The following PCF11 variants were observed in gnomAD, a reference collection of about 807,000 sequenced individuals.
PCF11 encodes the protein PCF11 cleavage and polyadenylation factor subunit, also known as pre-mRNA cleavage complex 2 protein Pcf11.
In PCF11, 19 loss-of-function variants were observed where a neutral mutation model predicts 166.1. The ratio of observed to expected loss-of-function variants is 0.11; its 90% CI spans 0.08 to 0.17. PCF11 has a LOEUF of 0.17. PCF11 is among the 10% of genes least tolerant of loss of function. PCF11 has a pLI of 1.00. For synonymous variants in PCF11, 663 were observed against 644.1 expected (o/e 1.03, Z -0.44); for missense variants, 1,565 against 1,855.5 (o/e 0.84, Z 2.88).
At chr11:83,174,771 T>C (rs1229855136) in intron 9 of PCF11, among the ~76,000 whole-genome samples, 1 of 152,200 alleles carries the variant, frequency 6.6e-6, no homozygotes, top group African/African-American at 2.4e-5. Context: ...TTCCACAGTT[T>C]ATGCTGTTGG....
intron 2 of PCF11, among the ~76,000 whole-genome samples, chr11:83,161,838 G>A (rs1246991684): frequency 1.3e-5 from 2 of 152,120 alleles, no homozygotes; most frequent in Non-Finnish European, 2.9e-5. Context: ...TCTTGGGGGG[G>A]TAAAAAGCAT....
intron 8 of PCF11, 31 bp downstream of exon 8, chr11:83,170,026 T>C: frequency 6.6e-7 from 1 of 1,509,602 alleles, no homozygotes; most frequent in Non-Finnish European, 8.8e-7. Context: ...TTGCGTTGTA[T>C]GCAGATAAGT....
exon 8 of PCF11, chr11:83,169,386 C>G (rs1422028124): frequency 1.2e-6 from 2 of 1,613,414 alleles, no homozygotes; most frequent in South Asian, 2.2e-5. Flanking sequence ...CAGGAGGTGG[C>G]CTGAGAATTG....
exon 8 of PCF11, chr11:83,169,878 A>T (rs1396526137): frequency 6.2e-7 from 1 of 1,613,180 alleles, no homozygotes; most frequent in Non-Finnish European, 8.5e-7. Flanking sequence ...TCTCTAATCC[A>T]CTTAACAGAG....
At chr11:83,179,119 T>C (rs549738627) in intron 11 of PCF11, among the ~76,000 whole-genome samples, 6 of 151,970 alleles carry the variant, frequency 3.9e-5, no homozygotes, top group African/African-American at 1.2e-4. Context: ...CTTTTTTTTT[T>C]CAAAGTAATA....
chr11:83,169,773 A>C, exon 8 of PCF11: 1 of 1,613,868 alleles, frequency 6.2e-7, no homozygotes, highest in Non-Finnish European at 8.5e-7. Flanking sequence ...TTAATGCCCC[A>C]TCCCAAGGAC....
chr11:83,169,729 A>G, exon 8 of PCF11: 1 of 1,613,922 alleles, frequency 6.2e-7, no homozygotes, highest in Non-Finnish European at 8.5e-7. Flanking sequence ...TTTCAATCAG[A>G]CTGGTCCATA....
rs1173094874 is a variant in PCF11, at chr11:83,166,855, CTAT to C, written c.1817+149_1817+151del. 33 of 751,526 alleles carry C rather than the reference CTAT, an allele frequency of 4.4e-5. 1 individual carries two copies. 46.6% of individuals were successfully genotyped at this position (751,526 alleles called of 1,614,324 possible). The stretch of plus-strand genomic sequence containing the variant: ...TTCTTACATCTCTGTGGGTTAAATA[CTAT>C]TATTATTTCTATTTTACAGATAAGG... On this transcript the variant is annotated intron_variant, in intron 5 of 15. Coordinates refer to ENST00000298281, the Ensembl canonical transcript of PCF11.
Position 83,183,552 on chromosome 11 carries a change from G to A in PCF11, c.4452+479G>A, listed in dbSNP as rs142816127. ...GTTGCCCAGGCTGGAGTGCAATGGC[G>A]CAATCTCGGCTCACTGCAACCTCCA... On this transcript the variant is annotated intron_variant, in intron 15 of 15. Coordinates refer to ENST00000298281, the Ensembl canonical transcript of PCF11. 1.1e-3 allele frequency among the ~76,000 whole-genome samples: 162 copies of A among 152,092 alleles called. 1 individual carries two copies. The highest frequency in any genetic ancestry group is 3.6e-3 in the African/African-American group (149 of 41,482).
chr11:83,162,935 T>A (rs549678964), intron 2 of PCF11, among the ~76,000 whole-genome samples: 1 of 152,134 alleles, frequency 6.6e-6, no homozygotes, highest in Non-Finnish European at 1.5e-5. Context: ...CCATCATGCC[T>A]GGCTAATTTT....
intron 7 of PCF11, among the ~76,000 whole-genome samples, 170 bp from the exon 8 acceptor site, chr11:83,168,258 C>T (rs1161797843): frequency 6.6e-6 from 1 of 152,058 alleles, no homozygotes; most frequent in Non-Finnish European, 1.5e-5. Context: ...TTTTTTGTTA[C>T]TCAGGTGTGT....
At chr11:83,186,263 AC>A (rs1861288106) in exon 16 of PCF11, 1 of 152,258 alleles carries the variant, frequency 6.6e-6, no homozygotes, top group Non-Finnish European at 1.5e-5. Flanking sequence ...TTGGAGGATA[AC>A]CAGGAGTGGA....
chr11:83,166,156 A>C (rs771423634), exon 5 of PCF11: 1 of 1,607,752 alleles, frequency 6.2e-7, no homozygotes, highest in Non-Finnish European at 8.5e-7. Flanking sequence ...GATGATGTGA[A>C]AGAGAAGAGA....
chr11:83,174,251 C>T (rs561677859), intron 9 of PCF11, among the ~76,000 whole-genome samples: 1 of 152,280 alleles, frequency 6.6e-6, no homozygotes, highest in Admixed American at 6.5e-5. Context: ...AAAGTGTAAA[C>T]ATCCCTTTTC....
chr11:83,184,269 A>C (rs1358605043), intron 15 of PCF11: 1 of 157,710 alleles, frequency 6.3e-6, no homozygotes, highest in Non-Finnish European at 1.4e-5. Flanking sequence ...TGGAAGGTTT[A>C]TTTAGGTTGT....
chr11:83,168,302 T>A, intron 7 of PCF11, 126 bp from the exon 8 acceptor site: 1 of 896,882 alleles, frequency 1.1e-6, no homozygotes, highest in Non-Finnish European at 1.6e-6. Context: ...ATCTGCTGCT[T>A]TACGCTGTCG....
exon 8 of PCF11, chr11:83,168,584 C>T (rs367841596): frequency 7.4e-6 from 12 of 1,613,808 alleles, no homozygotes; most frequent in African/African-American, 6.7e-5. Flanking sequence ...GAAGACAGAC[C>T]GTTATTTGAT....
At chr11:83,169,571 C>G in exon 8 of PCF11, 2 of 1,613,924 alleles carry the variant, frequency 1.2e-6, no homozygotes, top group Non-Finnish European at 1.7e-6. Context: ...GATGGACCAC[C>G]TGGACAGCAG....
intron 1 of PCF11, among the ~76,000 whole-genome samples, chr11:83,160,798 T>G (rs1283099893): frequency 1.3e-5 from 2 of 152,168 alleles, no homozygotes; most frequent in Non-Finnish European, 2.9e-5. Context: ...ACTTCCTAGG[T>G]GAAGTGTTTT....
Sources: gnomAD v4.1 joint callset for allele counts (sites outside exome capture counted in the v4.1 genomes callset) on GRCh38, gnomAD v4.1.1 for gene constraint, MANE v1.5 for transcripts, NCBI Gene and HGNC (gene_info 2026-07-23, HGNC 2026-07-21) for gene names.